The following NKAIN2 variants were observed in gnomAD, a reference collection of about 807,000 sequenced individuals.
The protein encoded by NKAIN2 is sodium/potassium transporting ATPase interacting 2.
Under a neutral mutation model 32.6 loss-of-function variants are expected in NKAIN2, and 14 were observed. The ratio of observed to expected loss-of-function variants is 0.43; its 90% CI spans 0.28 to 0.67. The LOEUF is 0.67. Ranked by LOEUF, NKAIN2 falls within the 30% of genes least tolerant of loss-of-function variation. The pLI, the probability that NKAIN2 is intolerant of heterozygous loss-of-function variation, is 0.17. For synonymous variants in NKAIN2, 80 were observed against 87.2 expected (o/e 0.92, Z 0.46); for missense variants, 198 against 258.3 (o/e 0.77, Z 1.60).
At chr6:124,003,096 T>C (rs1213692261) in intron 1 of NKAIN2, among the ~76,000 whole-genome samples, 1 of 152,212 alleles carries the variant, frequency 6.6e-6, no homozygotes, top group Non-Finnish European at 1.5e-5. Flanking sequence ...AATGCAACTA[T>C]TCCTCTTTAC....
chr6:123,847,050 T>C (rs985108087), intron 1 of NKAIN2, among the ~76,000 whole-genome samples: 4 of 152,248 alleles, frequency 2.6e-5, no homozygotes, highest in African/African-American at 7.2e-5. Flanking sequence ...ATTTTATGTC[T>C]TGGTTGAAAG....
chr6:124,037,797 T>C (rs1781671246), intron 1 of NKAIN2, among the ~76,000 whole-genome samples: 1 of 152,096 alleles, frequency 6.6e-6, no homozygotes, highest in Non-Finnish European at 1.5e-5. Context: ...TCTGAGATTA[T>C]GATAGAACAG....
chr6:124,520,586 A>G (rs1779083922), intron 3 of NKAIN2, among the ~76,000 whole-genome samples: 1 of 152,206 alleles, frequency 6.6e-6, no homozygotes, highest in Non-Finnish European at 1.5e-5. Context: ...TGTATTTGCC[A>G]GCTTTAAGAA....
chr6:124,680,763 C>T (rs1310062697), intron 4 of NKAIN2, among the ~76,000 whole-genome samples: 1 of 151,930 alleles, frequency 6.6e-6, no homozygotes, highest in African/African-American at 2.4e-5. Flanking sequence ...TTGACCACTG[C>T]AGATAATATT....
intron 3 of NKAIN2, among the ~76,000 whole-genome samples, chr6:124,374,622 A>G (rs1332056984): frequency 6.6e-6 from 1 of 152,120 alleles, no homozygotes; most frequent in Non-Finnish European, 1.5e-5. Flanking sequence ...TTACGCAACA[A>G]AGTTATAATT....
intron 4 of NKAIN2, among the ~76,000 whole-genome samples, chr6:124,723,396 G>T (rs1276674655): frequency 6.6e-6 from 1 of 151,274 alleles, no homozygotes; most frequent in African/African-American, 2.4e-5. Context: ...CATATATAAT[G>T]ATATCTGCCT....
intron 1 of NKAIN2, among the ~76,000 whole-genome samples, chr6:124,034,892 T>C (rs1781544778): frequency 1.3e-5 from 2 of 152,108 alleles, no homozygotes; most frequent in African/African-American, 4.8e-5. Context: ...CATTTTTTCA[T>C]GATTTTTGGC....
At chr6:124,137,167 G>A (rs1786847740) in intron 1 of NKAIN2, among the ~76,000 whole-genome samples, 1 of 151,952 alleles carries the variant, frequency 6.6e-6, no homozygotes, top group Admixed American at 6.6e-5. Context: ...AAATTTCATG[G>A]TACAAAGTCA....
intron 3 of NKAIN2, among the ~76,000 whole-genome samples, chr6:124,418,428 A>G (rs186855948): frequency 4.0e-5 from 6 of 150,540 alleles, no homozygotes; most frequent in African/African-American, 1.5e-4. Context: ...TGTTAGAATA[A>G]CTGAACCCTT....
intron 4 of NKAIN2, among the ~76,000 whole-genome samples, chr6:124,735,822 A>G (rs1776909978): frequency 6.6e-6 from 1 of 151,878 alleles, no homozygotes; most frequent in Admixed American, 6.6e-5. Flanking sequence ...TGACTGCTCA[A>G]TTCACTGGCC....
At chr6:124,163,010 CT>C (rs1352928114) in intron 1 of NKAIN2, among the ~76,000 whole-genome samples, 2 of 151,950 alleles carry the variant, frequency 1.3e-5, no homozygotes, top group African/African-American at 4.8e-5. Flanking sequence ...TGATTCTACC[CT>C]TATTACACAA....
intron 4 of NKAIN2, among the ~76,000 whole-genome samples, chr6:124,731,457 G>A (rs1583751066): frequency 1.4e-5 from 2 of 146,964 alleles, no homozygotes; most frequent in East Asian, 4.1e-4. Context: ...ACTATCGCAA[G>A]AACAAAAAAC....
chr6:124,766,929 T>C (rs1215358160), intron 4 of NKAIN2, among the ~76,000 whole-genome samples: 1 of 152,164 alleles, frequency 6.6e-6, no homozygotes, highest in Admixed American at 6.5e-5. Flanking sequence ...AGTTTTGCTC[T>C]TGTTTCCCAG....
intron 1 of NKAIN2, among the ~76,000 whole-genome samples, chr6:124,269,977 A>G (rs1794680533): frequency 6.6e-6 from 1 of 152,206 alleles, no homozygotes; most frequent in African/African-American, 2.4e-5. Context: ...GACAATCTCC[A>G]TATAGCTGCC....
chr6:124,483,863 A>G (rs1310428066), intron 3 of NKAIN2, among the ~76,000 whole-genome samples: 1 of 152,176 alleles, frequency 6.6e-6, no homozygotes, highest in African/African-American at 2.4e-5. Flanking sequence ...TACCTTTGTA[A>G]TGATATAACC....
At chr6:124,804,974 T>A (rs1295888472) in intron 5 of NKAIN2, among the ~76,000 whole-genome samples, 1 of 152,096 alleles carries the variant, frequency 6.6e-6, no homozygotes, top group Non-Finnish European at 1.5e-5. Context: ...CTTGCTTAGG[T>A]AAACAAAGCA....
intron 1 of NKAIN2, among the ~76,000 whole-genome samples, chr6:123,965,245 G>A (rs1296817867): frequency 2.0e-5 from 3 of 152,084 alleles, no homozygotes; most frequent in Non-Finnish European, 4.4e-5. Flanking sequence ...AGAAATCAAC[G>A]CTGGACTCTG....
intron 4 of NKAIN2, among the ~76,000 whole-genome samples, chr6:124,772,217 AATT>A (rs1388170710): frequency 6.6e-6 from 1 of 152,158 alleles, no homozygotes; most frequent in Non-Finnish European, 1.5e-5. Context: ...GAAAAGAAAT[AATT>A]GAGTTTATGG....
chr6:124,823,297 T>C lies in NKAIN2; in HGVS notation c.*68T>C. 3.7e-6 allele frequency: 4 copies of C among 1,067,484 alleles called. No individual in the cohort carries two copies. Among genetic ancestry groups the C allele is most frequent in the Non-Finnish European group, 4.4e-6 (3 of 680,000 alleles). The allele number at this position is 1,067,484 out of a possible 1,614,324, so 66.1% of individuals were successfully genotyped here. On this transcript the variant is annotated 3_prime_UTR_variant, in exon 7 of 7. Coordinates refer to ENST00000368417, the MANE Select transcript of NKAIN2 (RefSeq NM_001040214.3). ...ACTTTTTTCGCAGTGGCCTCCTGCA[T>C]TTCATGAAGAGCAAGAAGCAACTGA...
Sources: allele counts gnomAD v4.1 joint callset (sites outside exome capture counted in the v4.1 genomes callset), GRCh38; gene constraint gnomAD v4.1.1; transcripts MANE v1.5; gene names NCBI Gene and HGNC (gene_info 2026-07-23, HGNC 2026-07-21).